ZNF804A: variants seen among roughly 807,000 people sequenced by gnomAD.
The protein encoded by ZNF804A is zinc finger protein 804A.
In ZNF804A, 2 loss-of-function variants were observed where a neutral mutation model predicts 16.5. The ratio of observed to expected loss-of-function variants is 0.12; its 90% CI spans 0.05 to 0.38. The LOEUF is 0.38. Among genes scored for constraint, ZNF804A ranks in the 10% least tolerant of loss-of-function variants. The pLI is 0.99. For missense variants in ZNF804A, 1,473 were observed against 1,390.7 expected (o/e 1.06, Z -0.94); for synonymous variants, 534 against 489.6 (o/e 1.09, Z -1.20).
chr2:184,604,146 CTTTTTTTTTTTTTTTTTTTT>C (rs759053144), intron 1 of ZNF804A, among the ~76,000 whole-genome samples: 242 of 44,874 alleles, frequency 5.4e-3, no homozygotes, highest in African/African-American at 0.01. Context: ...ACTGCAATTA[CTTTTTTTTTTTTTTTTTTTT>C]TTTTTTTTTT....
intron 1 of ZNF804A, among the ~76,000 whole-genome samples, chr2:184,829,265 T>G (rs1695221239): frequency 6.6e-6 from 1 of 151,942 alleles, no homozygotes; most frequent in Admixed American, 6.6e-5. Flanking sequence ...AATAATTTAA[T>G]ACTTTATGTA....
chr2:184,893,082 T>A (rs1034580207), intron 2 of ZNF804A, among the ~76,000 whole-genome samples: 1 of 152,164 alleles, frequency 6.6e-6, no homozygotes, highest in Non-Finnish European at 1.5e-5. Context: ...GCTGTGATAG[T>A]CACTTGAAGA....
chr2:184,687,620 AG>A (rs1247907348), intron 1 of ZNF804A, among the ~76,000 whole-genome samples: 4 of 152,226 alleles, frequency 2.6e-5, no homozygotes, highest in African/African-American at 9.6e-5. Flanking sequence ...GAGAGAAGGG[AG>A]GAAAGGCATG....
intron 1 of ZNF804A, among the ~76,000 whole-genome samples, chr2:184,834,648 T>C (rs1050352498): frequency 1.3e-5 from 2 of 152,174 alleles, no homozygotes; most frequent in Admixed American, 6.6e-5. Context: ...CAGTCTAGTA[T>C]TTCTCATTTT....
At chr2:184,617,037 C>A (rs1047524863) in intron 1 of ZNF804A, among the ~76,000 whole-genome samples, 1 of 151,990 alleles carries the variant, frequency 6.6e-6, no homozygotes, top group Non-Finnish European at 1.5e-5. Context: ...ACCCTCCCAT[C>A]ACTTACAATA....
chr2:184,936,592 T>C lies in ZNF804A; in HGVS notation c.1196T>C (p.Leu399Ser), dbSNP rs1416261888. The change falls in exon 4 of 4, where the codon TTG becomes TCG. Residue 399 changes from leucine to serine, a missense_variant. By Grantham distance (145) the Leu-to-Ser change is moderately radical. Transcript: ENST00000302277. ...GAAAATAAAAATGGTCCCGAGACAT[T>C]GGCCCCTTCAAATACTGAAGAGGTT... ...EVENKNGPET[L>S]APSNTEEVNI... is the part of the protein sequence containing the mutation. The C allele has an allele frequency of 6.2e-7, 1 of 1,614,006 alleles. No individual in the cohort carries two copies.
Position 184,631,566 on chromosome 2 carries a change from C to G in ZNF804A, c.111+32496C>G, listed in dbSNP as rs530653127. On this transcript the variant is annotated intron_variant, in intron 1 of 3. Transcript: ENST00000302277. The stretch of plus-strand genomic sequence containing the variant: ...ATATATTGAACAAGAACAACCCGGA[C>G]AACACTGGCACTGACCAAATAAAAT... Among the ~76,000 whole-genome samples, 18 of 152,206 alleles carry G rather than the reference C, an allele frequency of 1.2e-4. No homozygotes were observed. In the South Asian group the frequency reaches 3.7e-3, roughly 32 times the overall value.
intron 1 of ZNF804A, among the ~76,000 whole-genome samples, chr2:184,614,558 G>T (rs781185449): frequency 1.3e-5 from 2 of 152,122 alleles, no homozygotes; most frequent in Non-Finnish European, 1.5e-5. Flanking sequence ...CTAATATCCA[G>T]AATCTCCTGG....
intron 1 of ZNF804A, among the ~76,000 whole-genome samples, chr2:184,816,985 A>G (rs1255314727): frequency 1.3e-5 from 2 of 151,982 alleles, no homozygotes; most frequent in Non-Finnish European, 2.9e-5. Flanking sequence ...AGCCATTTAA[A>G]TTTTTAGCAG....
intron 1 of ZNF804A, among the ~76,000 whole-genome samples, chr2:184,747,111 A>G (rs984318562): frequency 6.6e-6 from 1 of 151,226 alleles, no homozygotes; most frequent in Non-Finnish European, 1.5e-5. Context: ...CCAGTTCAAC[A>G]TTAATATTAG....
chr2:184,788,354 A>AT (rs1025670500), intron 1 of ZNF804A, among the ~76,000 whole-genome samples: 16 of 151,748 alleles, frequency 1.1e-4, no homozygotes, highest in African/African-American at 3.6e-4. Flanking sequence ...ACTTAAGGAT[A>AT]TTTTTTTCAA....
intron 1 of ZNF804A, among the ~76,000 whole-genome samples, chr2:184,645,970 C>T (rs1351287299): frequency 2.6e-5 from 4 of 152,120 alleles, no homozygotes; most frequent in Non-Finnish European, 4.4e-5. Context: ...TGAGGGAGAG[C>T]GCTTTGTTTT....
At chr2:184,849,281 A>T (rs1297650425) in intron 1 of ZNF804A, among the ~76,000 whole-genome samples, 6 of 152,052 alleles carry the variant, frequency 3.9e-5, no homozygotes, top group Admixed American at 2.0e-4. Flanking sequence ...GAGTTATAGT[A>T]GCCCCTGGAC....
At chr2:184,781,340 A>G (rs1213179853) in intron 1 of ZNF804A, among the ~76,000 whole-genome samples, 1 of 151,750 alleles carries the variant, frequency 6.6e-6, no homozygotes, top group African/African-American at 2.4e-5. Flanking sequence ...GCAATAAGGA[A>G]AAATAAGCTA....
chr2:184,743,671 G>T (rs1693740811), intron 1 of ZNF804A, among the ~76,000 whole-genome samples: 1 of 151,594 alleles, frequency 6.6e-6, no homozygotes, highest in Admixed American at 6.6e-5. Context: ...TCTTTATTTT[G>T]AATTTCCACA....
chr2:184,648,677 G>T (rs1206768834), intron 1 of ZNF804A, among the ~76,000 whole-genome samples: 2 of 152,078 alleles, frequency 1.3e-5, no homozygotes, highest in Admixed American at 1.3e-4. Flanking sequence ...AATAACAATT[G>T]TCAAAAAAGG....
At chr2:184,790,672 C>T (rs564524878) in intron 1 of ZNF804A, among the ~76,000 whole-genome samples, 1 of 151,900 alleles carries the variant, frequency 6.6e-6, no homozygotes, top group Non-Finnish European at 1.5e-5. Flanking sequence ...GGAGTGATCT[C>T]GGCTCACTGC....
intron 1 of ZNF804A, among the ~76,000 whole-genome samples, chr2:184,779,129 C>T (rs755915111): frequency 6.6e-6 from 1 of 151,560 alleles, no homozygotes; most frequent in Non-Finnish European, 1.5e-5. Flanking sequence ...TTAAAAAATA[C>T]TCTTGTGGTT....
At chr2:184,760,687 G>A (rs958158415) in intron 1 of ZNF804A, among the ~76,000 whole-genome samples, 1 of 152,120 alleles carries the variant, frequency 6.6e-6, no homozygotes, top group East Asian at 1.9e-4. Flanking sequence ...CCCCATCAAG[G>A]GTTGGCTGTT....
Sources: allele counts gnomAD v4.1 joint callset (sites outside exome capture counted in the v4.1 genomes callset), GRCh38; gene constraint gnomAD v4.1.1; transcripts MANE v1.5; gene names NCBI Gene and HGNC (gene_info 2026-07-23, HGNC 2026-07-21).